CCDC7: variants seen among roughly 807,000 people sequenced by gnomAD.
The protein encoded by CCDC7 is coiled-coil domain containing 7.
A neutral mutation model predicts 196.9 loss-of-function variants in CCDC7; 183 were observed. That is an observed-to-expected ratio of 0.93 (90% CI 0.82 to 1.05). The LOEUF is 1.05. Among genes scored for constraint, CCDC7 ranks in the 50% least tolerant of loss-of-function variants. CCDC7 has a pLI of 0.00. For synonymous variants in CCDC7, 525 were observed against 484.6 expected, an observed-to-expected ratio of 1.08 and a Z score of -1.10; for missense variants, 1,540 against 1,482.2, an observed-to-expected ratio of 1.04 and a Z score of -0.64.
At chr10:32,642,131 C>G (rs1017603907) in intron 20 of CCDC7, among the ~76,000 whole-genome samples, 2 of 152,332 alleles carry the variant, frequency 1.3e-5, no homozygotes, top group East Asian at 1.9e-4. Context: ...TGTCCGTTCT[C>G]AGATCTCAAA....
rs768100725 is a variant in CCDC7, at chr10:32,846,500, T to A, written c.3688+41T>A. 5.6e-6 allele frequency: 7 copies of A among 1,252,378 alleles called. No homozygotes were observed. The African/African-American group carries it at 1.0e-4, about 19-fold the overall frequency. The allele number at this position is 1,252,378 out of a possible 1,614,324, so 77.6% of individuals were successfully genotyped here. A position where few individuals can be genotyped will look rare whatever the true frequency, so the allele number is the denominator to read the frequency against. ...TTTGAGTCTAATATTTGTGACCTAT[T>A]TATGTTCCCTGAGTTAAATTAAGTA... On this transcript the variant is annotated intron_variant, in intron 37 of 41. Transcript: ENST00000639629.
chr10:32,686,802 A>T (rs969081451), intron 22 of CCDC7, among the ~76,000 whole-genome samples: 1 of 152,196 alleles, frequency 6.6e-6, no homozygotes, highest in Non-Finnish European at 1.5e-5. Flanking sequence ...TTAATGGCCC[A>T]GCCATGTTGC....
chr10:32,750,964 G>T (rs2075565505), intron 28 of CCDC7, among the ~76,000 whole-genome samples: 1 of 152,098 alleles, frequency 6.6e-6, no homozygotes, highest in Non-Finnish European at 1.5e-5. Context: ...AGTGGCAGAG[G>T]ATAAAAGGGG....
rs574701060 is a variant in CCDC7 at position 32,505,953 on chromosome 10, C to T, written c.873-11992C>T. On this transcript the variant is annotated intron_variant, in intron 9 of 41. Transcript: ENST00000639629. ...GCAGAGGTGCTCCTCACATCCCAGA[C>T]GGGGCGGCCGGGCAGAGGCGCTCCT... Among the ~76,000 whole-genome samples, 180 of 142,052 alleles carry T rather than the reference C, an allele frequency of 1.3e-3. 1 individual carries two copies. Among genetic ancestry groups the T allele is most frequent in the African/African-American group, 4.6e-3 (170 of 37,178 alleles). The allele number at this position is 142,052 out of a possible 152,430, so 93.2% of individuals were successfully genotyped here.
intron 18 of CCDC7, among the ~76,000 whole-genome samples, chr10:32,611,436 T>A (rs901635872): frequency 2.2e-4 from 34 of 152,202 alleles, no homozygotes; most frequent in African/African-American, 7.7e-4. Flanking sequence ...TAGATCTTAT[T>A]TGTCAGTTTT....
chr10:32,618,962 C>A (rs1328900401), intron 18 of CCDC7, among the ~76,000 whole-genome samples: 1 of 150,294 alleles, frequency 6.7e-6, no homozygotes, highest in African/African-American at 2.4e-5. Context: ...TTATTTTTAT[C>A]TGACTGGATT....
intron 15 of CCDC7, among the ~76,000 whole-genome samples, chr10:32,571,068 A>AG (rs1481487088): frequency 7.7e-6 from 1 of 130,246 alleles, no homozygotes; most frequent in African/African-American, 2.9e-5. Flanking sequence ...TGCAGTGGTG[A>AG]GATCTTGGCT....
rs1050344338 is a variant in CCDC7 at position 32,511,843 on chromosome 10, C to G, written c.873-6102C>G. 14 of 710,382 alleles carry G rather than the reference C, an allele frequency of 2.0e-5. No individual in the cohort carries two copies. In the Admixed American group the frequency reaches 3.0e-4, roughly 15 times the overall value. The allele number at this position is 710,382 out of a possible 1,614,324, so 44.0% of individuals were successfully genotyped here. ...CTGCCCGCGCCACCAGCGGCGCTTT[C>G]CGATGATCTCACCAATGTATAGCTT... On this transcript the variant is annotated intron_variant, in intron 9 of 41. Coordinates refer to ENST00000639629, the Ensembl canonical transcript of CCDC7.
At chr10:32,449,408 G>A (rs1306710718), upstream of CCDC7, among the ~76,000 whole-genome samples, 3 of 152,034 alleles carry the variant, frequency 2.0e-5, no homozygotes, top group Non-Finnish European at 2.9e-5. Flanking sequence ...GGCTGGTCTC[G>A]AACTCCTGAC....
intron 18 of CCDC7, among the ~76,000 whole-genome samples, chr10:32,593,263 T>A (rs1371273447): frequency 6.6e-6 from 1 of 152,268 alleles, no homozygotes; most frequent in Non-Finnish European, 1.5e-5. Flanking sequence ...AGATGGTATC[T>A]CCTTGTGGTT....
intron 23 of CCDC7, among the ~76,000 whole-genome samples, chr10:32,694,542 A>T (rs971657692): frequency 6.6e-6 from 1 of 152,132 alleles, no homozygotes; most frequent in South Asian, 2.1e-4. Context: ...AGTTTTGACT[A>T]TTTTGCAATT....
At chr10:32,694,888 A>G in exon 24 of CCDC7, 1 of 1,593,322 alleles carries the variant, frequency 6.3e-7, no homozygotes, top group Non-Finnish European at 8.6e-7. Flanking sequence ...GCTCATGATG[A>G]AGAACCAGGC....
intron 11 of CCDC7, among the ~76,000 whole-genome samples, chr10:32,523,508 T>G (rs1374129339): frequency 6.7e-6 from 1 of 149,842 alleles, no homozygotes; most frequent in Non-Finnish European, 1.5e-5. Flanking sequence ...GAGATTGCAC[T>G]ACTGCACACC....
At chr10:32,500,670 C>CG (rs1000852717) in intron 9 of CCDC7, among the ~76,000 whole-genome samples, 3 of 152,188 alleles carry the variant, frequency 2.0e-5, no homozygotes, top group African/African-American at 7.2e-5. Context: ...GCTGCAATCT[C>CG]GGCACTTTGG....
intron 11 of CCDC7, among the ~76,000 whole-genome samples, chr10:32,527,152 G>C (rs1472662252): frequency 6.6e-6 from 1 of 152,118 alleles, no homozygotes; most frequent in Non-Finnish European, 1.5e-5. Flanking sequence ...GTGGGTGCTG[G>C]CTGAGCCCAG....
intron 18 of CCDC7, among the ~76,000 whole-genome samples, chr10:32,598,519 T>G (rs2060661183): frequency 6.6e-6 from 1 of 152,198 alleles, no homozygotes; most frequent in Non-Finnish European, 1.5e-5. Flanking sequence ...CCCAGTGAGA[T>G]GAACCCGGTA....
At chr10:32,615,379 G>A (rs1427749436) in intron 18 of CCDC7, among the ~76,000 whole-genome samples, 1 of 152,160 alleles carries the variant, frequency 6.6e-6, no homozygotes, top group Admixed American at 6.5e-5. Context: ...TCTGACTGGT[G>A]TAAAATGATA....
At chr10:32,547,029 TTTC>T (rs1217800593) in intron 13 of CCDC7, among the ~76,000 whole-genome samples, 3 of 152,018 alleles carry the variant, frequency 2.0e-5, no homozygotes, top group Non-Finnish European at 4.4e-5. Context: ...CTCTTCCTTC[TTTC>T]TTCTTCTACA....
chr10:32,587,158 A>G (rs2059364760), intron 18 of CCDC7, among the ~76,000 whole-genome samples: 1 of 152,196 alleles, frequency 6.6e-6, no homozygotes, highest in South Asian at 2.1e-4. Flanking sequence ...ACTAACATCT[A>G]TTTCCACAAC....
Sources: allele counts gnomAD v4.1 joint callset (sites outside exome capture counted in the v4.1 genomes callset), GRCh38; gene constraint gnomAD v4.1.1; transcripts MANE v1.5; gene names NCBI Gene and HGNC (gene_info 2026-07-23, HGNC 2026-07-21).